Variants in NFATC2IP observed in about 807,000 individuals in gnomAD.
NFATC2IP encodes the protein nuclear factor of activated T cells 2 interacting protein, also known as NFATC2-interacting protein.
In NFATC2IP, 25 loss-of-function variants were observed where a neutral mutation model predicts 40.2. The observed-to-expected ratio is 0.62, with a 90% CI of 0.45 to 0.87. The LOEUF (loss-of-function observed/expected upper bound fraction) is 0.87. Among genes scored for constraint, NFATC2IP ranks in the 40% least tolerant of loss-of-function variants. NFATC2IP has a pLI of 0.00. For synonymous variants in NFATC2IP, 241 were observed against 236.3 expected (o/e 1.02, Z -0.18); for missense variants, 553 against 555.6 (o/e 1.00, Z 0.05).
At chr16:28,953,874 T>C (rs1157442454) in intron 2 of NFATC2IP, among the ~76,000 whole-genome samples, 1 of 151,144 alleles carries the variant, frequency 6.6e-6, no homozygotes, top group African/African-American at 2.4e-5. Flanking sequence ...GCCATGATCA[T>C]GCCACTGCAC....
Position 28,956,020 on chromosome 16 carries a change from C to T in NFATC2IP, c.621C>T (p.Thr207=), listed in dbSNP as rs1366483637. ...NSPLSPPSPR[T]KSRTHTRALK... Reference sequence around the variant, plus strand: ...CTCTGTCCCCACCTTCACCAAGGACCAAAAGCAGAACGCATACTCGGGCAC... The same window carrying T: ...CTCTGTCCCCACCTTCACCAAGGACTAAAAGCAGAACGCATACTCGGGCAC... Residue 207 remains threonine, a synonymous_variant, in exon 4 of 8, where the codon ACC becomes ACT. Coordinates refer to ENST00000320805, the MANE Select transcript of NFATC2IP (RefSeq NM_032815.4). The T allele has an allele frequency of 6.2e-7, 1 of 1,614,132 alleles. No homozygotes were observed. Among genetic ancestry groups the T allele is most frequent in the Admixed American group, 1.7e-5 (1 of 59,996 alleles).
At position 28,950,990 on chromosome 16, in the gene NFATC2IP, G is replaced by T; in HGVS notation, c.-22G>T. ...GGGCGAGGCGAGAGGAGGCGGGCGT[G>T]TGTTGTGGAGGAAAGTGTGCCATGG... is the stretch of plus-strand genomic sequence containing the variant. On this transcript the variant is annotated 5_prime_UTR_variant, in exon 1 of 8. Transcript: ENST00000320805. 6.8e-7 allele frequency: 1 copy of T among 1,475,786 alleles called. No homozygotes were observed. Among genetic ancestry groups the T allele is most frequent in the Non-Finnish European group, 8.9e-7 (1 of 1,118,672 alleles). The allele number at this position is 1,475,786 out of a possible 1,614,324, so 91.4% of individuals were successfully genotyped here.
At chr16:28,955,416 C>T (rs949104131) in intron 3 of NFATC2IP, among the ~76,000 whole-genome samples, 2 of 152,060 alleles carry the variant, frequency 1.3e-5, no homozygotes, top group African/African-American at 4.8e-5. Flanking sequence ...TAAGTGCTTG[C>T]CGTCTGTCGG....
At chr16:28,959,941 T>C (rs905186750) in intron 7 of NFATC2IP, among the ~76,000 whole-genome samples, 1 of 152,176 alleles carries the variant, frequency 6.6e-6, no homozygotes, top group African/African-American at 2.4e-5. Context: ...AGAAACCTAT[T>C]CCTGTACACT....
intron 1 of NFATC2IP, 57 bp downstream of exon 1, chr16:28,951,455 G>A (rs1282632581): frequency 1.5e-6 from 2 of 1,349,576 alleles, no homozygotes; most frequent in Non-Finnish European, 9.5e-7. Flanking sequence ...GGCCTCCAGG[G>A]AGGGGCCGGC....
At chr16:28,953,938 G>A (rs1479218787) in intron 2 of NFATC2IP, among the ~76,000 whole-genome samples, 1 of 149,598 alleles carries the variant, frequency 6.7e-6, no homozygotes, top group Non-Finnish European at 1.5e-5. Flanking sequence ...AAAGAAAAAC[G>A]AAATGCAGAA....
At position 28,958,935 on chromosome 16, in the gene NFATC2IP, G is replaced by A. The variant is rs563046827; in HGVS notation, c.992-56G>A. The A allele has an allele frequency of 5.0e-6, 8 of 1,604,914 alleles. No homozygotes were observed. In the South Asian group the frequency reaches 5.5e-5, roughly 11 times the overall value. ...GGGGATATGGGGAGAGGTTCAGCAC[G>A]GGCCCTGCTTCCAAGCCCCCACTTA... On this transcript the variant is annotated intron_variant, in intron 6 of 7. Coordinates refer to ENST00000320805, the MANE Select transcript of NFATC2IP (RefSeq NM_032815.4).
At position 28,963,940 on chromosome 16, in the gene NFATC2IP, C is replaced by G; in HGVS notation, c.*77C>G. 1 of 1,363,066 alleles carries G rather than the reference C, an allele frequency of 7.3e-7. No individual in the cohort carries two copies. The highest frequency in any genetic ancestry group is 1.9e-5 in the Admixed American group (1 of 51,692). 84.4% of individuals were successfully genotyped at this position (1,363,066 alleles called of 1,614,324 possible). A position where few individuals can be genotyped will look rare whatever the true frequency, so the allele number is the denominator to read the frequency against. The stretch of plus-strand genomic sequence containing the variant: ...CCCTTTTTTGCCCCATAAGGGCTAG[C>G]ATAAGCTGAGGTAGAACTTATCTTT... On this transcript the variant is annotated 3_prime_UTR_variant, in exon 8 of 8. Transcript: ENST00000320805.
At chr16:28,962,946 G>T (rs1224506584) in intron 7 of NFATC2IP, among the ~76,000 whole-genome samples, 1 of 152,198 alleles carries the variant, frequency 6.6e-6, no homozygotes, top group Admixed American at 6.6e-5. Flanking sequence ...CACTTTGGGA[G>T]GCCAAAGTGG....
intron 5 of NFATC2IP, 40 bp downstream of exon 5, chr16:28,956,377 G>A: frequency 6.5e-7 from 1 of 1,527,248 alleles, no homozygotes; most frequent in African/African-American, 1.4e-5. Flanking sequence ...CCCAGGAGCT[G>A]CTTCTGGAGA....
At chr16:28,960,986 C>A (rs548472627) in intron 7 of NFATC2IP, among the ~76,000 whole-genome samples, 1 of 152,190 alleles carries the variant, frequency 6.6e-6, no homozygotes, top group South Asian at 2.1e-4. Flanking sequence ...TTTCTACCAG[C>A]AGTCTCTTCA....
At position 28,951,151 on chromosome 16, in the gene NFATC2IP, C is replaced by G; in HGVS notation, c.140C>G (p.Ser47Cys). 1 of 1,546,234 alleles carries G rather than the reference C, an allele frequency of 6.5e-7. No individual in the cohort carries two copies. Among genetic ancestry groups the G allele is most frequent in the African/African-American group, 1.4e-5 (1 of 72,694 alleles). Reference protein sequence around the residue: ...SPSRGTLDVVSVDLVTDSDEE... With the variant: ...SPSRGTLDVVCVDLVTDSDEE... ...TCCCGGGGCACGCTGGACGTAGTGT[C>G]TGTGGACTTGGTCACCGACAGCGAT... Residue 47 changes from serine (S) to cysteine (C), a missense_variant, in exon 1 of 8, where the codon TCT (serine) becomes TGT (cysteine). By Grantham distance (112) the Ser-to-Cys change is moderately radical. Transcript: ENST00000320805.
rs536183226 is a variant in NFATC2IP, at chr16:28,958,691, CTT to C, written c.847-23_847-22del. On this transcript the variant is annotated intron_variant, in intron 5 of 7. Transcript: ENST00000320805. ...CATGGATTTCAAGGCAGGAAGACCT[CTT>C]TTGCTTGTTGTCCCCATCCCTAGTC... The C allele has an allele frequency of 2.9e-5, 47 of 1,594,600 alleles. No individual in the cohort carries two copies. The East Asian group carries it at 5.6e-4, about 19-fold the overall frequency.
chr16:28,954,229 A>G (rs929017872), intron 2 of NFATC2IP, among the ~76,000 whole-genome samples: 2 of 152,072 alleles, frequency 1.3e-5, no homozygotes, highest in African/African-American at 4.8e-5. Flanking sequence ...GTTTCTTATC[A>G]TTTTTTAATT....
At chr16:28,959,944 T>G (rs1453446263) in intron 7 of NFATC2IP, among the ~76,000 whole-genome samples, 1 of 152,208 alleles carries the variant, frequency 6.6e-6, no homozygotes, top group African/African-American at 2.4e-5. Flanking sequence ...AACCTATTCC[T>G]GTACACTTCT....
At position 28,963,878 on chromosome 16, in the gene NFATC2IP, T is replaced by A. The variant is rs1232995765; in HGVS notation, c.*15T>A. On this transcript the variant is annotated 3_prime_UTR_variant, in exon 8 of 8. Coordinates refer to ENST00000320805, the MANE Select transcript of NFATC2IP (RefSeq NM_032815.4). ...TCTGGGGCTGACACCCCACTCCCTG[T>A]TTGACGGCCCAGCCTGGACTTGGGG... The A allele has an allele frequency of 6.2e-7, 1 of 1,613,506 alleles. No homozygotes were observed. Among genetic ancestry groups the A allele is most frequent in the South Asian group, 1.1e-5 (1 of 91,068 alleles).
intron 2 of NFATC2IP, among the ~76,000 whole-genome samples, chr16:28,953,508 T>C (rs1964988503): frequency 6.6e-6 from 1 of 152,190 alleles, no homozygotes; most frequent in Admixed American, 6.5e-5. Flanking sequence ...CTTGGCTAGA[T>C]ATATGCTTTA....
intron 7 of NFATC2IP, among the ~76,000 whole-genome samples, chr16:28,963,156 C>T (rs1252948260): frequency 2.0e-5 from 3 of 152,196 alleles, no homozygotes; most frequent in Non-Finnish European, 4.4e-5. Context: ...GGCATTAGCA[C>T]TCGTCCCAAT....
In NFATC2IP at chr16:28,955,993, T is replaced by C. The variant is rs570119237; in HGVS notation, c.594T>C (p.Ser198=). 149 of 1,613,916 alleles carry C rather than the reference T, an allele frequency of 9.2e-5. No individual in the cohort carries two copies. The South Asian group carries it at 1.5e-3, about 16-fold the overall frequency. The change falls in exon 4 of 8, where the codon TCT becomes TCC. Residue 198 remains serine, a synonymous_variant. Transcript: ENST00000320805. The part of the protein sequence containing the change: ...KKTEFLDLDN[S]PLSPPSPRTK... ...GCTTCTACAGGGATCTGGACAACTCTCCTCTGTCCCCACCTTCACCAAGGA... is the reference window on the plus strand; with the variant it reads ...GCTTCTACAGGGATCTGGACAACTCCCCTCTGTCCCCACCTTCACCAAGGA...
Sources: gnomAD v4.1 joint callset for allele counts (sites outside exome capture counted in the v4.1 genomes callset) on GRCh38, gnomAD v4.1.1 for gene constraint, MANE v1.5 for transcripts, NCBI Gene and HGNC (gene_info 2026-07-23, HGNC 2026-07-21) for gene names.